RTF2: variants seen among roughly 807,000 people sequenced by gnomAD.
The protein encoded by RTF2 is UPF0549 protein C20orf43.
RTF2 carries 18 observed loss-of-function variants against 38.0 expected under a neutral mutation model. That is an observed-to-expected ratio of 0.47 (90% CI 0.33 to 0.70). The LOEUF (loss-of-function observed/expected upper bound fraction) is 0.70, where lower values mean the gene tolerates loss of function less well. Among genes scored for constraint, RTF2 ranks in the 30% least tolerant of loss-of-function variants. The pLI is 0.02. For synonymous variants in RTF2, 126 were observed against 137.1 expected (o/e 0.92, Z 0.57); for missense variants, 311 against 379.6 (o/e 0.82, Z 1.50).
At chr20:56,479,527 A>G (rs1451896065) in intron 4 of RTF2, among the ~76,000 whole-genome samples, 1 of 152,220 alleles carries the variant, frequency 6.6e-6, no homozygotes, top group African/African-American at 2.4e-5. Context: ...AGCGGGCCAA[A>G]TCACAGATGT....
chr20:56,476,908 T>G, intron 3 of RTF2, 77 bp from the exon 4 acceptor site: 2 of 1,435,242 alleles, frequency 1.4e-6, no homozygotes, highest in Non-Finnish European at 1.9e-6. Context: ...GAATAACAAT[T>G]TGTTGACTTA....
intron 5 of RTF2, among the ~76,000 whole-genome samples, chr20:56,485,835 C>T (rs1194761865): frequency 2.0e-5 from 3 of 152,148 alleles, no homozygotes; most frequent in African/African-American, 7.2e-5. Flanking sequence ...GATTGCAGTC[C>T]TGCAGGAATC....
chr20:56,496,904 G>T (rs1983581583), intron 5 of RTF2: 1 of 1,551,624 alleles, frequency 6.4e-7, no homozygotes, highest in East Asian at 2.4e-5. Context: ...GCAATGGTTG[G>T]ATTACTCCAG....
chr20:56,469,011 T>C (rs1981824923), intron 1 of RTF2, among the ~76,000 whole-genome samples: 1 of 152,260 alleles, frequency 6.6e-6, no homozygotes, highest in Non-Finnish European at 1.5e-5. Context: ...ACAATAGCCC[T>C]ATAGCTACAT....
rs1475358713 is a variant in RTF2, at chr20:56,484,139, G to C, written c.427G>C (p.Val143Leu). 1 of 1,614,136 alleles carries C rather than the reference G, an allele frequency of 6.2e-7. No individual in the cohort carries two copies. The highest frequency in any genetic ancestry group is 1.3e-5 in the African/African-American group (1 of 75,034). The change falls in exon 5 of 9, where the codon GTG becomes CTG. Residue 143 changes from valine (V) to leucine (L), a missense_variant. Transcript: ENST00000357348. ...CTGCTTCCTTCGGTGCTGCGGCTGT[G>C]TGTTTTCTGAGCGAGCCTTGAAAGA... is the stretch of plus-strand genomic sequence containing the variant. Reference protein sequence around the residue: ...RFCFLRCCGCVFSERALKEIK... With the variant: ...RFCFLRCCGCLFSERALKEIK...
At chr20:56,490,216 C>T (rs1175427905) in intron 5 of RTF2, among the ~76,000 whole-genome samples, 1 of 152,190 alleles carries the variant, frequency 6.6e-6, no homozygotes. Flanking sequence ...TACTGAGGTG[C>T]TTACACTTTG....
At chr20:56,472,432 TTC>T in intron 1 of RTF2, 1 of 1,450,992 alleles carries the variant, frequency 6.9e-7, no homozygotes, top group Non-Finnish European at 9.5e-7. Context: ...GAAAATGTCA[TTC>T]GAGGGCCAGG....
Position 56,477,235 on chromosome 20 carries a change from T to C in RTF2, c.398+111T>C, listed in dbSNP as rs1982301141. ...CATGTGGCTTGCTTTCTGGTGTCCTTGGGTTTGGTGGCGCCTTGGAGGAAA... is the reference window on the plus strand; with the variant it reads ...CATGTGGCTTGCTTTCTGGTGTCCTCGGGTTTGGTGGCGCCTTGGAGGAAA... On this transcript the variant is annotated intron_variant, in intron 4 of 8. Coordinates refer to ENST00000357348, the MANE Select transcript of RTF2 (RefSeq NM_016407.5). 4.0e-6 allele frequency: 5 copies of C among 1,256,356 alleles called. No homozygotes were observed. The East Asian group carries it at 1.2e-4, about 31-fold the overall frequency. 77.8% of individuals were successfully genotyped at this position (1,256,356 alleles called of 1,614,324 possible). A position where few individuals can be genotyped will look rare whatever the true frequency, so the allele number is the denominator to read the frequency against.
intron 5 of RTF2, among the ~76,000 whole-genome samples, chr20:56,490,907 A>G (rs1384898076): frequency 6.6e-6 from 1 of 152,240 alleles, no homozygotes; most frequent in African/African-American, 2.4e-5. Context: ...CATGTTTCCA[A>G]TGCCCAGGAG....
At chr20:56,470,781 G>A (rs537254803) in intron 1 of RTF2, 4 of 407,682 alleles carry the variant, frequency 9.8e-6, no homozygotes. Flanking sequence ...CCCTGAAGTT[G>A]AGGGTTTGGA....
intron 5 of RTF2, among the ~76,000 whole-genome samples, chr20:56,491,053 A>G (rs1983095308): frequency 6.6e-6 from 1 of 152,180 alleles, no homozygotes; most frequent in African/African-American, 2.4e-5. Flanking sequence ...TCTACTCCAG[A>G]TGAGCTCTGT....
chr20:56,501,929 GCACTGTCTTT>G (rs1983954427), intron 5 of RTF2, among the ~76,000 whole-genome samples: 1 of 152,082 alleles, frequency 6.6e-6, no homozygotes, highest in South Asian at 2.1e-4. Flanking sequence ...CTTTTTTCGT[GCACTGTCTTT>G]CCTTAAATTG....
intron 5 of RTF2, chr20:56,497,376 A>G: frequency 6.5e-7 from 1 of 1,550,054 alleles, no homozygotes; most frequent in East Asian, 2.4e-5. Flanking sequence ...ATGAGCATGT[A>G]TTTCAGATTT....
intron 4 of RTF2, among the ~76,000 whole-genome samples, chr20:56,483,847 T>A (rs1982645822): frequency 6.6e-6 from 1 of 152,196 alleles, no homozygotes; most frequent in Non-Finnish European, 1.5e-5. Flanking sequence ...AATCTTATAT[T>A]TATTGAAAAT....
intron 5 of RTF2, among the ~76,000 whole-genome samples, chr20:56,484,985 A>G (rs1395865352): frequency 1.3e-5 from 2 of 152,130 alleles, no homozygotes; most frequent in African/African-American, 4.8e-5. Flanking sequence ...AGTGATGGTT[A>G]GGGGCCATCG....
In RTF2 at chr20:56,513,424, A is replaced by G. The variant is rs1600835534; in HGVS notation, c.587A>G (p.Glu196Gly). 1 of 1,590,018 alleles carries G rather than the reference A, an allele frequency of 6.3e-7. No individual in the cohort carries two copies. The highest frequency in any genetic ancestry group is 2.3e-5 in the East Asian group (1 of 44,034). The change falls in exon 6 of 9, where the codon GAA becomes GGA. Residue 196 changes from glutamate (E) to glycine (G), a missense_variant. Transcript: ENST00000357348. ...GAGAGAAGGCTGAGAGCGAAGCTGG[A>G]AAAGGTAATGGGAGTCTTCAGGTTC... ...MEERRLRAKL[E>G]KKTKKPKAAE...
chr20:56,516,762 G>C, intron 6 of RTF2, 173 bp from the exon 7 acceptor site: 1 of 665,660 alleles, frequency 1.5e-6, no homozygotes, highest in Non-Finnish European at 2.7e-6. Flanking sequence ...ACATGCAGAG[G>C]GTGAAGGCTT....
chr20:56,468,663 G>A lies in RTF2; in HGVS notation c.-35G>A, dbSNP rs757451060. On this transcript the variant is annotated 5_prime_UTR_variant, in exon 1 of 9. Coordinates refer to ENST00000357348, the MANE Select transcript of RTF2 (RefSeq NM_016407.5). ...CGGAAATCCCGGAAGTGACAGCTTT[G>A]GGGGTTTGCTGCTGGCTCTGACTCC... 115 of 1,547,090 alleles carry A rather than the reference G, an allele frequency of 7.4e-5. No homozygotes were observed. The highest frequency in any genetic ancestry group is 9.5e-5 in the Non-Finnish European group (108 of 1,141,998).
chr20:56,494,990 C>T (rs1174679991), intron 5 of RTF2, among the ~76,000 whole-genome samples: 1 of 152,078 alleles, frequency 6.6e-6, no homozygotes, highest in African/African-American at 2.4e-5. Flanking sequence ...TTTTATCAAC[C>T]TGTATTTTTT....
Sources: allele counts gnomAD v4.1 joint callset (sites outside exome capture counted in the v4.1 genomes callset), GRCh38; gene constraint gnomAD v4.1.1; transcripts MANE v1.5; gene names NCBI Gene and HGNC (gene_info 2026-07-23, HGNC 2026-07-21).